Variants in CAMKK1 observed in about 807,000 individuals in gnomAD.
The protein encoded by CAMKK1 is calcium/calmodulin-dependent protein kinase kinase 1.
Under a neutral mutation model 63.5 loss-of-function variants are expected in CAMKK1, and 20 were observed. That is an observed-to-expected ratio of 0.32 (90% confidence interval 0.22 to 0.46). The LOEUF (loss-of-function observed/expected upper bound fraction) is 0.46. Among genes scored for constraint, CAMKK1 ranks in the 20% least tolerant of loss-of-function variants. The pLI is 1.00. For missense variants in CAMKK1, 588 were observed against 658.1 expected, an observed-to-expected ratio of 0.89 and a Z score of 1.17; for synonymous variants, 253 against 269.0, an observed-to-expected ratio of 0.94 and a Z score of 0.58.
At chr17:3,864,159 C>G (rs948628519) in intron 15 of CAMKK1, among the ~76,000 whole-genome samples, 1 of 150,692 alleles carries the variant, frequency 6.6e-6, no homozygotes, top group Non-Finnish European at 1.5e-5. Context: ...CTATGTTGCC[C>G]AGGCTGGTCT....
At chr17:3,865,325 C>A (rs974807994) in intron 15 of CAMKK1, 38 of 987,160 alleles carry the variant, frequency 3.8e-5, no homozygotes, top group Admixed American at 1.8e-4. Context: ...TCCCGTGGTC[C>A]ACCGGCCAGC....
intron 14 of CAMKK1, among the ~76,000 whole-genome samples, chr17:3,866,426 G>A (rs776392676): frequency 2.0e-5 from 3 of 152,270 alleles, no homozygotes; most frequent in Non-Finnish European, 2.9e-5. Flanking sequence ...CCCGGGAAGC[G>A]GCTGAGCCGC....
intron 8 of CAMKK1, among the ~76,000 whole-genome samples, chr17:3,880,979 C>T (rs763558750): frequency 1.7e-4 from 26 of 152,244 alleles, no homozygotes; most frequent in Non-Finnish European, 3.1e-4. Flanking sequence ...CTGCCCCTCT[C>T]CCCAGATTGG....
At chr17:3,881,814 G>A (rs1192621490) in intron 7 of CAMKK1, 166 bp from the exon 8 acceptor site, 2 of 655,246 alleles carry the variant, frequency 3.1e-6, no homozygotes, top group Admixed American at 4.5e-5. Flanking sequence ...ATGCATGAGA[G>A]TGGGGTCTGC....
Position 3,884,220 on chromosome 17 carries a change from C to T in CAMKK1, c.408+160G>A, listed in dbSNP as rs1428727186. Among the ~76,000 whole-genome samples, 2 of 152,156 alleles carry T rather than the reference C, an allele frequency of 1.3e-5. No homozygotes were observed. Among genetic ancestry groups the T allele is most frequent in the Non-Finnish European group, 2.9e-5 (2 of 68,014 alleles). On this transcript the variant is annotated intron_variant, in intron 3 of 15. Transcript: ENST00000348335. The surrounding 1 kb of genome is among the most constrained non-coding windows in gnomAD (Gnocchi z 4.5). The stretch of plus-strand genomic sequence containing the variant: ...AATCAGGAGCCATCTTCCACCCTCC[C>T]CCTGGGTACCTGGGTACTTCCCACA...
chr17:3,871,505 C>T (rs1401862648), intron 12 of CAMKK1, among the ~76,000 whole-genome samples: 2 of 150,466 alleles, frequency 1.3e-5, no homozygotes, highest in East Asian at 1.9e-4. Flanking sequence ...CAGGCACCCG[C>T]CACCACGCCC....
rs1350777569 is a variant in CAMKK1 at position 3,887,287 on chromosome 17, T to C, written c.-43-1557A>G. ...AGGTAGACTGAGGGTAAGGGTGAGG[T>C]CCAGACCCCCTGTGCCCGGTACGCA... On this transcript the variant is annotated intron_variant, in intron 1 of 15. Transcript: ENST00000348335. The surrounding 1 kb of genome is among the most constrained non-coding windows in gnomAD (Gnocchi z 6.1). Among the ~76,000 whole-genome samples the C allele has an allele frequency of 1.3e-5, 2 of 152,082 alleles. No homozygotes were observed. Among genetic ancestry groups the C allele is most frequent in the East Asian group, 3.9e-4 (2 of 5,188 alleles).
At chr17:3,866,518 A>G (rs971708241) in intron 14 of CAMKK1, among the ~76,000 whole-genome samples, 1 of 152,204 alleles carries the variant, frequency 6.6e-6, no homozygotes, top group Admixed American at 6.5e-5. Flanking sequence ...CTCCTCCGTG[A>G]CAAGGACGGT....
At chr17:3,872,063 C>G (rs2054913525) in intron 12 of CAMKK1, among the ~76,000 whole-genome samples, 1 of 152,258 alleles carries the variant, frequency 6.6e-6, no homozygotes, top group African/African-American at 2.4e-5. Context: ...CCCGACGTCC[C>G]TGCTACGCTC....
chr17:3,876,587 G>A (rs1035537249), intron 9 of CAMKK1, among the ~76,000 whole-genome samples, 165 bp from the exon 10 acceptor site: 1 of 152,166 alleles, frequency 6.6e-6, no homozygotes, highest in Non-Finnish European at 1.5e-5. Context: ...TCTGCTCCAC[G>A]CAGGTGCAGA....
chr17:3,864,530 G>A (rs1001788749), intron 15 of CAMKK1, among the ~76,000 whole-genome samples: 1 of 152,084 alleles, frequency 6.6e-6, no homozygotes, highest in Non-Finnish European at 1.5e-5. Flanking sequence ...ACAGGCGTGA[G>A]CCACCGCACC....
At chr17:3,873,507 C>T (rs1052919846) in intron 10 of CAMKK1, 45 bp from the exon 11 acceptor site, 1 of 1,594,348 alleles carries the variant, frequency 6.3e-7, no homozygotes, top group Non-Finnish European at 8.6e-7. Flanking sequence ...GGCACAGCCA[C>T]CTCTGCCCAC....
chr17:3,863,534 A>G (rs1327355607), intron 15 of CAMKK1, among the ~76,000 whole-genome samples: 1 of 152,144 alleles, frequency 6.6e-6, no homozygotes, highest in East Asian at 1.9e-4. Flanking sequence ...CAGTCTATCA[A>G]GGATAAATAT....
chr17:3,880,635 C>A (rs1462506071), intron 8 of CAMKK1, among the ~76,000 whole-genome samples: 1 of 152,236 alleles, frequency 6.6e-6, no homozygotes, highest in Non-Finnish European at 1.5e-5. Context: ...AATCAGCTTT[C>A]TCTTAATTTC....
intron 9 of CAMKK1, among the ~76,000 whole-genome samples, chr17:3,877,048 G>A (rs929113762): frequency 1.3e-5 from 2 of 152,044 alleles, no homozygotes; most frequent in African/African-American, 4.8e-5. Flanking sequence ...GTGAGCCACC[G>A]CCCCCAGCTG....
chr17:3,887,083 C>A lies in CAMKK1; in HGVS notation c.-43-1353G>T, dbSNP rs1049944214. Among the ~76,000 whole-genome samples the A allele has an allele frequency of 6.6e-6, 1 of 152,116 alleles. No homozygotes were observed. The highest frequency in any genetic ancestry group is 1.5e-5 in the Non-Finnish European group (1 of 68,010). ...ATCCCCTTGCTTTGACAGATGTCAG[C>A]GAGGCAGGGCTGGCTGGAGTCCACC... On this transcript the variant is annotated intron_variant, in intron 1 of 15. Transcript: ENST00000348335. This position sits in a 1 kb window ranked among gnomAD's most constrained non-coding sequence, Gnocchi z 6.1.
At chr17:3,878,965 C>G (rs2055287981) in intron 9 of CAMKK1, 1 of 152,182 alleles carries the variant, frequency 6.6e-6, no homozygotes, top group Non-Finnish European at 1.5e-5. Context: ...AGGTGCCCAC[C>G]ACCACACAAG....
At chr17:3,872,417 G>A (rs2054928787) in intron 12 of CAMKK1, 137 bp downstream of exon 12, 1 of 690,166 alleles carries the variant, frequency 1.4e-6, no homozygotes, top group Non-Finnish European at 2.6e-6. Flanking sequence ...TCTATTCAGG[G>A]GTCCCTCCCA....
intron 8 of CAMKK1, 110 bp downstream of exon 8, chr17:3,881,517 C>T (rs1209520241): frequency 5.6e-6 from 6 of 1,069,108 alleles, no homozygotes; most frequent in Admixed American, 4.2e-5. Context: ...GCAGGGCCTC[C>T]GTCTCTGACT....
Sources: gnomAD v4.1 joint callset for allele counts (sites outside exome capture counted in the v4.1 genomes callset) on GRCh38, gnomAD v4.1.1 for gene constraint, Gnocchi (gnomAD v3.1) non-coding constraint, MANE v1.5 for transcripts, NCBI Gene and HGNC (gene_info 2026-07-23, HGNC 2026-07-21) for gene names.